PTPRN2: variants seen among roughly 807,000 people sequenced by gnomAD.
The protein encoded by PTPRN2 is receptor-type tyrosine-protein phosphatase N2.
Under a neutral mutation model 118.8 loss-of-function variants are expected in PTPRN2, and 74 were observed. The ratio of observed to expected loss-of-function variants is 0.62; its 90% confidence interval spans 0.52 to 0.76. The LOEUF (loss-of-function observed/expected upper bound fraction) is 0.76, where lower values mean the gene tolerates loss of function less well. Ranked by LOEUF, PTPRN2 falls within the 30% of genes least tolerant of loss-of-function variation. PTPRN2 has a pLI of 0.00. For missense variants in PTPRN2, 1,481 were observed against 1,394.4 expected, an observed-to-expected ratio of 1.06 and a Z score of -0.99; for synonymous variants, 641 against 608.0, an observed-to-expected ratio of 1.05 and a Z score of -0.80.
intron 2 of PTPRN2, among the ~76,000 whole-genome samples, chr7:158,413,653 G>A (rs755864499): frequency 6.6e-6 from 1 of 152,338 alleles, no homozygotes; most frequent in East Asian, 1.9e-4. Flanking sequence ...TCTCCCGGGA[G>A]GACTAACAGT....
At chr7:157,607,325 C>T (rs755357280) in intron 15 of PTPRN2, among the ~76,000 whole-genome samples, 3 of 152,230 alleles carry the variant, frequency 2.0e-5, no homozygotes, top group Non-Finnish European at 2.9e-5. Flanking sequence ...GGGCTGGGCC[C>T]GGTGCTGCAG....
At chr7:158,385,992 T>C (rs113602252) in intron 2 of PTPRN2, among the ~76,000 whole-genome samples, 14 of 111,380 alleles carry the variant, frequency 1.3e-4, no homozygotes, top group South Asian at 3.7e-4. Context: ...TCCCATGCCC[T>C]GAGTCCCTCC....
intron 2 of PTPRN2, among the ~76,000 whole-genome samples, chr7:158,436,063 C>G (rs905896991): frequency 2.0e-5 from 3 of 152,148 alleles, no homozygotes; most frequent in African/African-American, 7.2e-5. Context: ...GGGTGGATCT[C>G]ATGTTATATG....
chr7:158,087,421 A>T (rs1480961155), intron 10 of PTPRN2, among the ~76,000 whole-genome samples: 1 of 152,236 alleles, frequency 6.6e-6, no homozygotes, highest in Non-Finnish European at 1.5e-5. Flanking sequence ...TATGGTAAGA[A>T]GCGTCTGATG....
intron 9 of PTPRN2, among the ~76,000 whole-genome samples, chr7:158,117,900 C>A (rs544015724): frequency 1.3e-5 from 2 of 152,270 alleles, no homozygotes; most frequent in Admixed American, 6.5e-5. Context: ...TATCACTAGA[C>A]CTGCCTTGCA....
In PTPRN2 at chr7:157,577,956, G is replaced by A. The variant is rs564743895; in HGVS notation, c.2616+65C>T. 4.7e-6 allele frequency: 7 copies of A among 1,475,570 alleles called. No homozygotes were observed. The East Asian group carries it at 1.6e-4, about 35-fold the overall frequency. 91.4% of individuals were successfully genotyped at this position (1,475,570 alleles called of 1,614,324 possible). A position where few individuals can be genotyped will look rare whatever the true frequency, so the allele number is the denominator to read the frequency against. ...GGGGCCCTAACGAATCCCATTCGGA[G>A]GAGGAGCAGGGCCCGTCCTCGTCCG... On this transcript the variant is annotated intron_variant, in intron 18 of 22. Transcript: ENST00000389418.
intron 3 of PTPRN2, among the ~76,000 whole-genome samples, chr7:158,297,741 C>T (rs1265263118): frequency 6.6e-6 from 1 of 152,158 alleles, no homozygotes; most frequent in African/African-American, 2.4e-5. Flanking sequence ...AATAACTAAC[C>T]CCCATCCTAC....
chr7:158,566,096 T>C (rs1239927766), intron 1 of PTPRN2, among the ~76,000 whole-genome samples: 1 of 152,094 alleles, frequency 6.6e-6, no homozygotes, highest in Non-Finnish European at 1.5e-5. Context: ...CTAACACCTA[T>C]AATCCCAGCA....
At chr7:157,578,176 T>G in intron 17 of PTPRN2, 36 bp from the exon 18 acceptor site, 2 of 1,583,390 alleles carry the variant, frequency 1.3e-6, no homozygotes, top group Non-Finnish European at 1.7e-6. Flanking sequence ...GCGGTGTGAC[T>G]GTCTCATCAC....
intron 2 of PTPRN2, among the ~76,000 whole-genome samples, chr7:158,331,829 C>T (rs1238280734): frequency 3.8e-5 from 4 of 104,964 alleles, no homozygotes; most frequent in Admixed American, 2.6e-4. Context: ...AGAGGTGACA[C>T]CCGCAGACGA....
At position 157,801,099 on chromosome 7, in the gene PTPRN2, A is replaced by T. The variant is rs561491418; in HGVS notation, c.1788+97574T>A. ...TATACACACACACACACATATATAT[A>T]TGCACATATATATGAATACCCAATA... On this transcript the variant is annotated intron_variant, in intron 12 of 22. Transcript: ENST00000389418. The surrounding 1 kb of genome is among the most constrained non-coding windows in gnomAD (Gnocchi z 4.2). 2.6e-4 allele frequency among the ~76,000 whole-genome samples: 39 copies of T among 152,036 alleles called. No individual in the cohort carries two copies. In the South Asian group the frequency reaches 7.3e-3, roughly 28 times the overall value.
chr7:158,289,373 TCTGA>T (rs1376718274), intron 3 of PTPRN2, among the ~76,000 whole-genome samples: 2 of 152,208 alleles, frequency 1.3e-5, no homozygotes, highest in African/African-American at 4.8e-5. Flanking sequence ...CTTTTTCTCC[TCTGA>T]CTGTATGTTT....
intron 1 of PTPRN2, among the ~76,000 whole-genome samples, chr7:158,559,089 G>T (rs1827219684): frequency 6.6e-6 from 1 of 152,240 alleles, no homozygotes; most frequent in African/African-American, 2.4e-5. Flanking sequence ...AGGCCACAAA[G>T]TGATGGTTCT....
intron 12 of PTPRN2, among the ~76,000 whole-genome samples, chr7:157,821,356 C>A (rs1428934594): frequency 1.3e-5 from 2 of 152,172 alleles, no homozygotes; most frequent in African/African-American, 2.4e-5. Flanking sequence ...CACTCCATGG[C>A]TGCCATTTGG....
chr7:157,838,379 C>CCGCCG (rs1808134554), intron 12 of PTPRN2, among the ~76,000 whole-genome samples: 2 of 148,224 alleles, frequency 1.3e-5, no homozygotes, highest in South Asian at 2.2e-4. Context: ...AAGCTGCTCT[C>CCGCCG]TGCCGTGGCT....
At chr7:158,251,262 C>A (rs150958068) in intron 3 of PTPRN2, among the ~76,000 whole-genome samples, 95 of 152,212 alleles carry the variant, frequency 6.2e-4, no homozygotes, top group Non-Finnish European at 8.5e-4. Flanking sequence ...GCTTTGGAAC[C>A]CTCATTGGTG....
chr7:158,462,724 A>G (rs1477508142), intron 2 of PTPRN2, among the ~76,000 whole-genome samples: 1 of 152,144 alleles, frequency 6.6e-6, no homozygotes, highest in East Asian at 1.9e-4. Context: ...TGACAGGTTC[A>G]TTTTCAAACA....
intron 12 of PTPRN2, among the ~76,000 whole-genome samples, chr7:157,887,353 A>G (rs1480850909): frequency 6.6e-6 from 1 of 152,034 alleles, no homozygotes; most frequent in East Asian, 1.9e-4. Flanking sequence ...ACTAATGCAT[A>G]TTAGAATAAA....
chr7:158,364,913 T>G (rs1809314623), intron 2 of PTPRN2, among the ~76,000 whole-genome samples: 1 of 152,142 alleles, frequency 6.6e-6, no homozygotes, highest in Non-Finnish European at 1.5e-5. Context: ...AGCAGGCAGC[T>G]AACAGCAACA....
Sources: gnomAD v4.1 joint callset for allele counts (sites outside exome capture counted in the v4.1 genomes callset) on GRCh38, gnomAD v4.1.1 for gene constraint, Gnocchi (gnomAD v3.1) non-coding constraint, MANE v1.5 for transcripts, NCBI Gene and HGNC (gene_info 2026-07-23, HGNC 2026-07-21) for gene names.